Variants in RNF180 observed in about 807,000 individuals in gnomAD.
The protein encoded by RNF180 is E3 ubiquitin-protein ligase RNF180.
A neutral mutation model predicts 59.2 loss-of-function variants in RNF180; 38 were observed. The ratio of observed to expected loss-of-function variants is 0.64; its 90% CI spans 0.50 to 0.84. RNF180 has a LOEUF of 0.84. Among genes scored for constraint, RNF180 ranks in the 40% least tolerant of loss-of-function variants. RNF180 has a pLI of 0.00. For missense variants in RNF180, 705 were observed against 700.9 expected (o/e 1.01, Z -0.07); for synonymous variants, 262 against 240.3 (o/e 1.09, Z -0.84).
At chr5:64,228,007 C>G (rs1167887412) in intron 5 of RNF180, among the ~76,000 whole-genome samples, 1 of 152,156 alleles carries the variant, frequency 6.6e-6, no homozygotes, top group African/African-American at 2.4e-5. Flanking sequence ...ACCTACTCCT[C>G]TCACGTGTGG....
chr5:64,284,684 G>A (rs148594183), intron 5 of RNF180, among the ~76,000 whole-genome samples: 4 of 152,272 alleles, frequency 2.6e-5, no homozygotes, highest in African/African-American at 9.6e-5. Flanking sequence ...TATCAGATCA[G>A]TTTGGTTCTC....
At chr5:64,266,795 G>A (rs1460424876) in intron 5 of RNF180, among the ~76,000 whole-genome samples, 1 of 152,066 alleles carries the variant, frequency 6.6e-6, no homozygotes, top group African/African-American at 2.4e-5. Context: ...AGATAGATGT[G>A]TATTTATTTA....
rs370660214 is a variant in RNF180 at position 64,174,959 on chromosome 5, C to CTTTTTTTTTT, written c.-1+9023_-1+9032dup. On this transcript the variant is annotated intron_variant, in intron 1 of 7. Coordinates refer to ENST00000389100, the MANE Select transcript of RNF180 (RefSeq NM_001113561.2). ...TTACATTTAAGTCTTTAATCCAGTT[C>CTTTTTTTTTT]TTTTTTTTTTTTTTTTTTTTTTTTT... Among the ~76,000 whole-genome samples the CTTTTTTTTTT allele has an allele frequency of 4.1e-4, 35 of 84,748 alleles. 6 individuals carry two copies. Among genetic ancestry groups the CTTTTTTTTTT allele is most frequent in the African/African-American group, 1.7e-3 (34 of 20,286 alleles). The allele number at this position is 84,748 out of a possible 152,430, so 55.6% of individuals were successfully genotyped here.
intron 1 of RNF180, among the ~76,000 whole-genome samples, chr5:64,200,284 AT>A (rs1209647156): frequency 2.2e-4 from 33 of 152,066 alleles, no homozygotes; most frequent in Admixed American, 9.8e-4. Context: ...AGTAAAAAAA[AT>A]AAAATAAAAA....
chr5:64,334,853 C>G (rs7726532), intron 7 of RNF180, among the ~76,000 whole-genome samples: 34,843 of 151,996 alleles, frequency 0.23, 4,115 homozygotes, highest in Middle Eastern at 0.32. Context: ...AACAGTGTTT[C>G]TATAAACACT....
chr5:64,258,835 C>A (rs1744147847), intron 5 of RNF180, among the ~76,000 whole-genome samples: 1 of 152,068 alleles, frequency 6.6e-6, no homozygotes, highest in South Asian at 2.1e-4. Flanking sequence ...AATGAAAAGA[C>A]TTGTAGATAC....
At chr5:64,187,574 A>G (rs1398533617) in intron 1 of RNF180, among the ~76,000 whole-genome samples, 1 of 152,206 alleles carries the variant, frequency 6.6e-6, no homozygotes, top group Non-Finnish European at 1.5e-5. Flanking sequence ...TTCATAAATT[A>G]GCAGTTTCAA....
rs958318551 is a variant in RNF180 at position 64,217,357 on chromosome 5, C to G, written c.1192-4C>G. 11 of 1,399,740 alleles carry G rather than the reference C, an allele frequency of 7.9e-6. No individual in the cohort carries two copies. In the African/African-American group the frequency reaches 1.3e-4, roughly 17 times the overall value. 86.7% of individuals were successfully genotyped at this position (1,399,740 alleles called of 1,614,324 possible). On this transcript the variant is annotated splice_region_variant and splice_polypyrimidine_tract_variant and intron_variant, in intron 4 of 7. Coordinates refer to ENST00000389100, the MANE Select transcript of RNF180 (RefSeq NM_001113561.2). ...TGTGTGAACCTAATTTTTTATTTCT[C>G]TAGGGTAAATACTCAGGAGTGGGAT...
At chr5:64,353,292 T>C (rs1745888738) in intron 7 of RNF180, among the ~76,000 whole-genome samples, 1 of 151,686 alleles carries the variant, frequency 6.6e-6, no homozygotes, top group Non-Finnish European at 1.5e-5. Context: ...ATTTTGAATA[T>C]AAAATGACTA....
chr5:64,358,644 AT>A (rs200510834), intron 7 of RNF180, among the ~76,000 whole-genome samples: 4,360 of 150,974 alleles, frequency 0.029, 187 homozygotes, highest in African/African-American at 0.092. Context: ...TAAGAATTCT[AT>A]TTTTTTTTAT....
At chr5:64,190,386 G>C (rs532094596) in intron 1 of RNF180, among the ~76,000 whole-genome samples, 1 of 152,272 alleles carries the variant, frequency 6.6e-6, no homozygotes, top group South Asian at 2.1e-4. Context: ...CACAGCTGGA[G>C]AGGAATTTTG....
chr5:64,220,172 T>C (rs1041895822), intron 5 of RNF180, among the ~76,000 whole-genome samples: 1 of 152,094 alleles, frequency 6.6e-6, no homozygotes, highest in South Asian at 2.1e-4. Context: ...GAAACAGCTT[T>C]AGGTTTCAAT....
At chr5:64,278,710 A>G (rs1251839150) in intron 5 of RNF180, among the ~76,000 whole-genome samples, 1 of 152,164 alleles carries the variant, frequency 6.6e-6, no homozygotes, top group Non-Finnish European at 1.5e-5. Flanking sequence ...TTAAAGGAAA[A>G]GTTAACTTAC....
intron 5 of RNF180, among the ~76,000 whole-genome samples, chr5:64,243,907 T>A (rs1370380122): frequency 2.0e-5 from 3 of 152,158 alleles, no homozygotes; most frequent in African/African-American, 7.2e-5. Flanking sequence ...GGCAGCAATC[T>A]TTGCTGTTCT....
intron 6 of RNF180, among the ~76,000 whole-genome samples, chr5:64,326,663 A>G (rs894719560): frequency 9.2e-5 from 14 of 152,170 alleles, no homozygotes; most frequent in African/African-American, 3.1e-4. Context: ...TTTGTTGGAT[A>G]AATCCCGCTT....
At chr5:64,351,778 T>C (rs1321816108) in intron 7 of RNF180, among the ~76,000 whole-genome samples, 1 of 151,980 alleles carries the variant, frequency 6.6e-6, no homozygotes, top group Non-Finnish European at 1.5e-5. Context: ...TGGATAAGCT[T>C]TTTGATGTGC....
intron 5 of RNF180, among the ~76,000 whole-genome samples, chr5:64,291,679 G>C (rs572603785): frequency 6.6e-6 from 1 of 151,762 alleles, no homozygotes; most frequent in Non-Finnish European, 1.5e-5. Context: ...CACCCGCCTC[G>C]GCCTCGCAAA....
At chr5:64,263,532 G>C (rs1744475216) in intron 5 of RNF180, among the ~76,000 whole-genome samples, 1 of 152,090 alleles carries the variant, frequency 6.6e-6, no homozygotes, top group Non-Finnish European at 1.5e-5. Flanking sequence ...ATTTTGCTTA[G>C]CTGTTTTGAA....
At chr5:64,341,743 G>A (rs569300044) in intron 7 of RNF180, among the ~76,000 whole-genome samples, 5 of 152,252 alleles carry the variant, frequency 3.3e-5, no homozygotes, top group Middle Eastern at 3.4e-3. Context: ...ACACAGAGGT[G>A]AGCAAGGAGT....
Sources: gnomAD v4.1 joint callset for allele counts (sites outside exome capture counted in the v4.1 genomes callset) on GRCh38, gnomAD v4.1.1 for gene constraint, MANE v1.5 for transcripts, NCBI Gene and HGNC (gene_info 2026-07-23, HGNC 2026-07-21) for gene names.